GRK5: variants seen among roughly 807,000 people sequenced by gnomAD.
The protein encoded by GRK5 is G protein-coupled receptor kinase 5, also known as g protein-coupled receptor kinase GRK5.
A neutral mutation model predicts 78.4 loss-of-function variants in GRK5; 40 were observed. The ratio of observed to expected loss-of-function variants is 0.51; its 90% confidence interval spans 0.40 to 0.66. GRK5 has a LOEUF of 0.66. Among genes scored for constraint, GRK5 ranks in the 30% least tolerant of loss-of-function variants. The probability of loss-of-function intolerance (pLI) is 0.00; values close to 1 mark genes in which losing one functional copy is unlikely to be tolerated. For missense variants in GRK5, 598 were observed against 759.9 expected (o/e 0.79, Z 2.50); for synonymous variants, 289 against 296.8 (o/e 0.97, Z 0.27).
intron 1 of GRK5, among the ~76,000 whole-genome samples, chr10:119,302,360 G>T (rs1850197916): frequency 6.6e-6 from 1 of 152,218 alleles, no homozygotes; most frequent in South Asian, 2.1e-4. Flanking sequence ...CTACCTGGCA[G>T]AGGAGCCCAA....
rs1290966302 is a variant in GRK5 at position 119,238,577 on chromosome 10, G to T, written c.52+30608G>T. Among the ~76,000 whole-genome samples, 2 of 152,180 alleles carry T rather than the reference G, an allele frequency of 1.3e-5. No homozygotes were observed. The highest frequency in any genetic ancestry group is 4.8e-5 in the African/African-American group (2 of 41,434). ...GATCCTTTGGCTTCTTGGACAATAT[G>T]CAGGAAAACACCCGCCTTCTCTTAG... On this transcript the variant is annotated intron_variant, in intron 1 of 15. Coordinates refer to ENST00000392870, the MANE Select transcript of GRK5 (RefSeq NM_005308.3). The surrounding 1 kb of genome is among the most constrained non-coding windows in gnomAD (Gnocchi z 4.7).
chr10:119,261,118 G>A lies in GRK5; in HGVS notation c.52+53149G>A, dbSNP rs1268343059. ...TTCCCAGACTGGGTGGCTGCCGGGC[G>A]GAGGGGTTCCTCACTTTTCAGACGG... is the stretch of plus-strand genomic sequence containing the variant. On this transcript the variant is annotated intron_variant, in intron 1 of 15. Coordinates refer to ENST00000392870, the MANE Select transcript of GRK5 (RefSeq NM_005308.3). Among the ~76,000 whole-genome samples the A allele has an allele frequency of 6.2e-5, 9 of 145,822 alleles. No homozygotes were observed. In the South Asian group the frequency reaches 6.7e-4, roughly 11 times the overall value.
chr10:119,401,693 G>A (rs1017947436), intron 4 of GRK5, among the ~76,000 whole-genome samples: 1 of 152,198 alleles, frequency 6.6e-6, no homozygotes, highest in African/African-American at 2.4e-5. Context: ...CTTGTCATCT[G>A]CCTTTCCCCA....
In GRK5 at chr10:119,455,063, G is replaced by T. The variant is rs1336713615; in HGVS notation, c.1769G>T (p.Ser590Ile). The change falls in exon 16 of 16, where the codon AGC becomes ATC. Residue 590 changes from serine (S) to isoleucine (I), a missense_variant. By Grantham distance (142) the Ser-to-Ile change is moderately radical. Coordinates refer to ENST00000392870, the MANE Select transcript of GRK5 (RefSeq NM_005308.3). ...GTCAGCTCGAACTCCACCGGAAGCA[G>T]CTAGTTTCGGCTCTGGCCTCCAAGT... ...NHVSSNSTGS[S>I] 6.2e-7 allele frequency: 1 copy of T among 1,612,328 alleles called. No homozygotes were observed. The highest frequency in any genetic ancestry group is 8.5e-7 in the Non-Finnish European group (1 of 1,178,400).
At chr10:119,227,175 C>T (rs141192733) in intron 1 of GRK5, among the ~76,000 whole-genome samples, 2 of 152,224 alleles carry the variant, frequency 1.3e-5, no homozygotes, top group Admixed American at 1.3e-4. Flanking sequence ...GTATCTTTAT[C>T]ATCACATAGG....
chr10:119,215,091 C>G (rs78294107), intron 1 of GRK5, among the ~76,000 whole-genome samples: 1,638 of 152,254 alleles, frequency 0.011, 35 homozygotes, highest in African/African-American at 0.038. Flanking sequence ...AGGGAATGAC[C>G]GAAAAGATTA....
chr10:119,459,672 T>C lies in GRK5; in HGVS notation c.*4605T>C, dbSNP rs1176929642. 1 of 152,250 alleles carries C rather than the reference T, an allele frequency of 6.6e-6. No individual in the cohort carries two copies. Among genetic ancestry groups the C allele is most frequent in the Non-Finnish European group, 1.5e-5 (1 of 68,048 alleles). The allele number at this position is 152,250 out of a possible 1,614,324, so 9.4% of individuals were successfully genotyped here. On this transcript the variant is annotated 3_prime_UTR_variant, in exon 16 of 16. Transcript: ENST00000392870. ...AACTCTGTGTGTTCCGTCTATCGCG[T>C]CACAGTGCCGCTGGATCTAGATGGA...
intron 1 of GRK5, among the ~76,000 whole-genome samples, chr10:119,276,270 C>A (rs1442850457): frequency 1.3e-5 from 2 of 152,076 alleles, no homozygotes; most frequent in Non-Finnish European, 2.9e-5. Flanking sequence ...CTCCCCCCTC[C>A]TCCCACCCCA....
chr10:119,324,331 T>G (rs144017917), intron 1 of GRK5, among the ~76,000 whole-genome samples: 5 of 152,334 alleles, frequency 3.3e-5, no homozygotes, highest in African/African-American at 1.2e-4. Context: ...ACTGGGTATA[T>G]CATAGTTCCT....
intron 4 of GRK5, among the ~76,000 whole-genome samples, chr10:119,410,075 G>A (rs1040010982): frequency 3.3e-5 from 5 of 152,284 alleles, no homozygotes; most frequent in East Asian, 1.9e-4. Context: ...TAAACAGTGC[G>A]TCATCTCCTG....
chr10:119,327,741 A>G (rs924233616), intron 2 of GRK5, among the ~76,000 whole-genome samples: 2 of 152,086 alleles, frequency 1.3e-5, no homozygotes, highest in East Asian at 1.9e-4. Flanking sequence ...TCCACACTCC[A>G]TGTTTATAGG....
intron 2 of GRK5, among the ~76,000 whole-genome samples, chr10:119,353,395 G>A (rs76730209): frequency 0.021 from 3,259 of 152,302 alleles, 59 homozygotes; most frequent in South Asian, 0.038. Context: ...AGTTTAGAGA[G>A]ATGTTTCATA....
intron 1 of GRK5, among the ~76,000 whole-genome samples, chr10:119,222,320 G>T (rs1848667058): frequency 6.7e-6 from 1 of 150,204 alleles, no homozygotes; most frequent in African/African-American, 2.4e-5. Flanking sequence ...ATGTGTAAAT[G>T]TATCAGGTCG....
At chr10:119,299,445 A>G (rs1307349665) in intron 1 of GRK5, among the ~76,000 whole-genome samples, 2 of 151,888 alleles carry the variant, frequency 1.3e-5, no homozygotes, top group Non-Finnish European at 2.9e-5. Flanking sequence ...AAAAAAAAAA[A>G]AAGTTATCTT....
intron 1 of GRK5, among the ~76,000 whole-genome samples, chr10:119,311,741 G>T (rs1850362400): frequency 6.6e-6 from 1 of 151,216 alleles, no homozygotes; most frequent in Admixed American, 6.6e-5. Flanking sequence ...AACTGAGATT[G>T]CTCTACCACT....
intron 1 of GRK5, among the ~76,000 whole-genome samples, chr10:119,226,547 CT>C (rs869156632): frequency 0.037 from 4,637 of 124,966 alleles, 195 homozygotes; most frequent in African/African-American, 0.12. Flanking sequence ...GTCTCTGTAT[CT>C]TTTTTTTTTT....
At chr10:119,348,793 T>A (rs1204220057) in intron 2 of GRK5, among the ~76,000 whole-genome samples, 1 of 152,170 alleles carries the variant, frequency 6.6e-6, no homozygotes, top group Non-Finnish European at 1.5e-5. Context: ...GTGTCCCAAG[T>A]TTGAGCACCA....
chr10:119,288,930 A>G (rs1004743568), intron 1 of GRK5, among the ~76,000 whole-genome samples: 3 of 152,116 alleles, frequency 2.0e-5, no homozygotes, highest in Admixed American at 6.5e-5. Context: ...CCAACCCCCA[A>G]CAGCACTCAG....
intron 4 of GRK5, among the ~76,000 whole-genome samples, chr10:119,422,804 T>G (rs1852597510): frequency 6.6e-6 from 1 of 152,270 alleles, no homozygotes; most frequent in African/African-American, 2.4e-5. Context: ...TCTGACTACA[T>G]GCCCAGGCCA....
Sources: allele counts gnomAD v4.1 joint callset (sites outside exome capture counted in the v4.1 genomes callset), GRCh38; gene constraint gnomAD v4.1.1; non-coding constraint Gnocchi (gnomAD v3.1); transcripts MANE v1.5; gene names NCBI Gene and HGNC (gene_info 2026-07-23, HGNC 2026-07-21).